The following SOCS5 variants were observed in gnomAD, a reference collection of about 807,000 sequenced individuals.
The protein encoded by SOCS5 is suppressor of cytokine signaling 5.
Under a neutral mutation model 42.8 loss-of-function variants are expected in SOCS5, and 32 were observed. The observed-to-expected ratio is 0.75, with a 90% CI of 0.56 to 1.01. SOCS5 has a LOEUF of 1.01. Ranked by LOEUF, SOCS5 falls within the 50% of genes least tolerant of loss-of-function variation. SOCS5 has a pLI of 0.00. For missense variants in SOCS5, 627 were observed against 653.0 expected (o/e 0.96, Z 0.43); for synonymous variants, 283 against 229.6 (o/e 1.23, Z -2.10).
chr2:46,737,339 AT>A (rs1223500703), intron 1 of SOCS5, among the ~76,000 whole-genome samples: 1 of 152,234 alleles, frequency 6.6e-6, no homozygotes, highest in Admixed American at 6.5e-5. Flanking sequence ...ATGAGAAGAA[AT>A]GTTATAGCTG....
At chr2:46,742,480 C>A (rs1256932345) in intron 1 of SOCS5, among the ~76,000 whole-genome samples, 1 of 151,898 alleles carries the variant, frequency 6.6e-6, no homozygotes, top group Non-Finnish European at 1.5e-5. Context: ...TTCCATATGT[C>A]ATATGTTGAA....
Position 46,725,589 on chromosome 2 carries a change from A to G in SOCS5, c.-13+26140A>G, listed in dbSNP as rs547303646. 2.0e-5 allele frequency among the ~76,000 whole-genome samples: 3 copies of G among 152,170 alleles called. No individual in the cohort carries two copies. In the South Asian group the frequency reaches 6.2e-4, roughly 32 times the overall value. ...TTTCTTGTTTGTTGTATTGTCTTTT[A>G]TATTACATCTACATACATATAAAAC... On this transcript the variant is annotated intron_variant, in intron 1 of 1. Transcript: ENST00000394861.
chr2:46,758,688 A>G lies in SOCS5; in HGVS notation c.158A>G (p.Gln53Arg), dbSNP rs140414127. 3.7e-6 allele frequency: 6 copies of G among 1,614,080 alleles called. No homozygotes were observed. Among genetic ancestry groups the G allele is most frequent in the Non-Finnish European group, 4.2e-6 (5 of 1,180,018 alleles). Residue 53 changes from glutamine (Q) to arginine (R), a missense_variant, in exon 2 of 2, where the codon CAG becomes CGG. This residue lies in a region of SOCS5 where 278 missense variants were observed against 246.3 expected (regional missense o/e 1.13). Coordinates refer to ENST00000394861, the MANE Select transcript of SOCS5 (RefSeq NM_144949.3). ...ATCAGCATAGGAGACTCAACTCCTC[A>G]GCAACAAAGCAGTCCCTTAAGAGAA... ...KNISIGDSTP[Q>R]QQSSPLRENI...
chr2:46,722,847 C>T (rs994554879), intron 1 of SOCS5, among the ~76,000 whole-genome samples: 6 of 152,048 alleles, frequency 3.9e-5, no homozygotes, highest in African/African-American at 1.4e-4. Flanking sequence ...TGTGTTACCA[C>T]CACTTTTTAT....
chr2:46,732,852 A>G (rs1156846705), intron 1 of SOCS5, among the ~76,000 whole-genome samples: 1 of 152,078 alleles, frequency 6.6e-6, no homozygotes, highest in Non-Finnish European at 1.5e-5. Flanking sequence ...TCATCTCTTG[A>G]TATTAAGGGC....
In SOCS5 at chr2:46,760,626, AGAAAAAAATGCAATTTTCT is replaced by A. The variant is rs1673844872; in HGVS notation, c.*487_*505del. On this transcript the variant is annotated 3_prime_UTR_variant, in exon 2 of 2. Coordinates refer to ENST00000394861, the MANE Select transcript of SOCS5 (RefSeq NM_144949.3). ...AAGAATAAAAGACTGCCTTCCTTTT[AGAAAAAAATGCAATTTTCT>A]GGCCACAAGGGCATAGTGCAGTTCA... is the stretch of plus-strand genomic sequence containing the variant. The A allele has an allele frequency of 5.9e-6, 1 of 169,598 alleles. No individual in the cohort carries two copies. The highest frequency in any genetic ancestry group is 6.4e-5 in the Admixed American group (1 of 15,646). 10.5% of individuals were successfully genotyped at this position (169,598 alleles called of 1,614,324 possible). A position where few individuals can be genotyped will look rare whatever the true frequency, so the allele number is the denominator to read the frequency against.
chr2:46,735,162 C>T (rs1673215996), intron 1 of SOCS5, among the ~76,000 whole-genome samples: 1 of 152,168 alleles, frequency 6.6e-6, no homozygotes, highest in Non-Finnish European at 1.5e-5. Flanking sequence ...AATTTATTTC[C>T]TATCAAAGTT....
chr2:46,741,029 G>T lies in SOCS5; in HGVS notation c.-12-17490G>T, dbSNP rs532645388. ...CTGTTTGAGAAAGTCACGCTGGCTTGAGTGGAGACCTGTATTTGCGATTCC... is the reference window on the plus strand; with the variant it reads ...CTGTTTGAGAAAGTCACGCTGGCTTTAGTGGAGACCTGTATTTGCGATTCC... On this transcript the variant is annotated intron_variant, in intron 1 of 1. Transcript: ENST00000394861. Among the ~76,000 whole-genome samples the T allele has an allele frequency of 4.6e-5, 7 of 152,266 alleles. No homozygotes were observed. In the South Asian group the frequency reaches 1.5e-3, roughly 32 times the overall value.
chr2:46,719,062 C>G (rs1393432780), intron 1 of SOCS5, among the ~76,000 whole-genome samples: 1 of 152,038 alleles, frequency 6.6e-6, no homozygotes. Context: ...AGTTGTGTAA[C>G]CAAATACCAT....
rs1673857988 is a variant in SOCS5 at position 46,761,071 on chromosome 2, T to G, written c.*930T>G. The G allele has an allele frequency of 6.0e-6, 1 of 167,128 alleles. No individual in the cohort carries two copies. The highest frequency in any genetic ancestry group is 2.1e-4 in the South Asian group (1 of 4,834). The allele number at this position is 167,128 out of a possible 1,614,324, so 10.4% of individuals were successfully genotyped here. A position where few individuals can be genotyped will look rare whatever the true frequency, so the allele number is the denominator to read the frequency against. On this transcript the variant is annotated 3_prime_UTR_variant, in exon 2 of 2. Coordinates refer to ENST00000394861, the MANE Select transcript of SOCS5 (RefSeq NM_144949.3). The stretch of plus-strand genomic sequence containing the variant: ...TATTGTTGAACTATAATTAATAATT[T>G]GGATGGCAGAATTTATCTCTTTTTT...
At chr2:46,751,811 G>A (rs76145246) in intron 1 of SOCS5, among the ~76,000 whole-genome samples, 6,398 of 152,168 alleles carry the variant, frequency 0.042, 183 homozygotes, top group Middle Eastern at 0.11. Flanking sequence ...AAACTATGGC[G>A]TATGGGCAAA....
intron 1 of SOCS5, among the ~76,000 whole-genome samples, chr2:46,719,879 A>G (rs1424136235): frequency 1.3e-5 from 2 of 152,230 alleles, no homozygotes; most frequent in Non-Finnish European, 2.9e-5. Flanking sequence ...TCGCAGATCC[A>G]GAAACTCAGT....
intron 1 of SOCS5, among the ~76,000 whole-genome samples, chr2:46,710,831 C>T (rs1672604960): frequency 6.6e-6 from 1 of 152,174 alleles, no homozygotes; most frequent in African/African-American, 2.4e-5. Flanking sequence ...TGCTCTCTTC[C>T]CATTGAGTCC....
intron 1 of SOCS5, 121 bp from the exon 2 acceptor site, chr2:46,758,398 G>A (rs1673774927): frequency 1.5e-6 from 1 of 683,094 alleles, no homozygotes; most frequent in Admixed American, 2.9e-5. Flanking sequence ...GGGCAGCGTA[G>A]GTGAACGCTT....
At chr2:46,731,280 G>A (rs1456869783) in intron 1 of SOCS5, among the ~76,000 whole-genome samples, 4 of 152,180 alleles carry the variant, frequency 2.6e-5, no homozygotes, top group Non-Finnish European at 4.4e-5. Flanking sequence ...CTGAAAAGAT[G>A]AGAGTTCTCC....
At position 46,760,717 on chromosome 2, in the gene SOCS5, A is replaced by T. The variant is rs1239776178; in HGVS notation, c.*576A>T. 4 of 167,156 alleles carry T rather than the reference A, an allele frequency of 2.4e-5. No individual in the cohort carries two copies. Among genetic ancestry groups the T allele is most frequent in the Non-Finnish European group, 5.9e-5 (4 of 68,156 alleles). The allele number at this position is 167,156 out of a possible 1,614,324, so 10.4% of individuals were successfully genotyped here. ...TAATCAGACGCCTTTTCTCTTCTGC[A>T]AAAGGTACTGTTAAGTAAACCAGAT... On this transcript the variant is annotated 3_prime_UTR_variant, in exon 2 of 2. Coordinates refer to ENST00000394861, the MANE Select transcript of SOCS5 (RefSeq NM_144949.3).
At chr2:46,744,972 A>T (rs1175201860) in intron 1 of SOCS5, among the ~76,000 whole-genome samples, 1 of 151,174 alleles carries the variant, frequency 6.6e-6, no homozygotes, top group African/African-American at 2.4e-5. Context: ...GAAAATTAGA[A>T]AATCTGTATA....
At chr2:46,724,688 T>C (rs1672954977) in intron 1 of SOCS5, among the ~76,000 whole-genome samples, 1 of 152,088 alleles carries the variant, frequency 6.6e-6, no homozygotes, top group Admixed American at 6.5e-5. Context: ...ATTTCTGTTA[T>C]TTATTTGTAA....
At position 46,761,403 on chromosome 2, in the gene SOCS5, C is replaced by T. The variant is rs542711226; in HGVS notation, c.*1262C>T. The T allele has an allele frequency of 2.4e-5, 4 of 167,222 alleles. No individual in the cohort carries two copies. The highest frequency in any genetic ancestry group is 6.5e-5 in the Admixed American group (1 of 15,316). 10.4% of individuals were successfully genotyped at this position (167,222 alleles called of 1,614,324 possible). On this transcript the variant is annotated 3_prime_UTR_variant, in exon 2 of 2. Coordinates refer to ENST00000394861, the MANE Select transcript of SOCS5 (RefSeq NM_144949.3). ...TCTCATGTCTTTTCGTTAATGTGCT[C>T]TGTACCACTGGTGAGTGCTCCATAG...
Sources: allele counts gnomAD v4.1 joint callset (sites outside exome capture counted in the v4.1 genomes callset), GRCh38; gene constraint gnomAD v4.1.1; regional missense constraint gnomAD v4.1.1; transcripts MANE v1.5; gene names NCBI Gene and HGNC (gene_info 2026-07-23, HGNC 2026-07-21).